Variants in FRZB observed in about 807,000 individuals in gnomAD.
FRZB encodes the protein secreted frizzled-related protein 3.
In FRZB, 34 loss-of-function variants were observed where a neutral mutation model predicts 32.5. The ratio of observed to expected loss-of-function variants is 1.05; its 90% CI spans 0.80 to 1.39. The LOEUF is 1.39. Ranked by LOEUF, FRZB falls within the 40% of genes most tolerant of loss-of-function variation. The probability of loss-of-function intolerance (pLI) is 0.00; values close to 1 mark genes in which losing one functional copy is unlikely to be tolerated. For synonymous variants in FRZB, 170 were observed against 159.2 expected (o/e 1.07, Z -0.51); for missense variants, 423 against 424.8 (o/e 1.00, Z 0.04).
intron 1 of FRZB, among the ~76,000 whole-genome samples, chr2:182,864,461 C>T (rs202028586): frequency 3.9e-5 from 6 of 152,256 alleles, no homozygotes; most frequent in East Asian, 3.9e-4. Context: ...TTAGTGAGTA[C>T]GAAGCCTCAA....
In FRZB at chr2:182,850,883, G is replaced by A. The variant is rs75391807; in HGVS notation, c.526+7903C>T. Reference sequence around the variant, plus strand: ...CCCCTTTTTCCACATCCTCGCTACCGTCTATTGTTCCATCTTTTTGATAAA... The same window carrying A: ...CCCCTTTTTCCACATCCTCGCTACCATCTATTGTTCCATCTTTTTGATAAA... On this transcript the variant is annotated intron_variant, in intron 2 of 5. Transcript: ENST00000295113. Among the ~76,000 whole-genome samples the A allele has an allele frequency of 9.0e-3, 1,363 of 152,118 alleles. 45 individuals carry two copies. In the South Asian group the frequency reaches 0.1, roughly 12 times the overall value.
intron 2 of FRZB, among the ~76,000 whole-genome samples, chr2:182,849,951 G>C (rs569450680): frequency 2.6e-5 from 4 of 152,288 alleles, no homozygotes; most frequent in Non-Finnish European, 4.4e-5. Context: ...AAAAAGAAAA[G>C]GGGGCTTCAC....
chr2:182,839,252 C>T (rs899283352), intron 3 of FRZB, among the ~76,000 whole-genome samples: 1 of 151,966 alleles, frequency 6.6e-6, no homozygotes, highest in Non-Finnish European at 1.5e-5. Context: ...CTTTTATATT[C>T]TCCTTTAGGT....
chr2:182,852,373 G>A (rs409238), intron 2 of FRZB, among the ~76,000 whole-genome samples: 99,991 of 151,978 alleles, frequency 0.66, 33,400 homozygotes, highest in African/African-American at 0.7. Context: ...AGCGCCAAGA[G>A]CAGGTTAGTG....
intron 1 of FRZB, among the ~76,000 whole-genome samples, chr2:182,860,663 T>C (rs1695821202): frequency 6.6e-6 from 1 of 152,084 alleles, no homozygotes; most frequent in African/African-American, 2.4e-5. Flanking sequence ...GGTCAGGAGT[T>C]CGAGACCAGC....
intron 2 of FRZB, among the ~76,000 whole-genome samples, chr2:182,851,451 T>A (rs1323220986): frequency 6.6e-6 from 1 of 151,870 alleles, no homozygotes; most frequent in African/African-American, 2.4e-5. Flanking sequence ...AGATCAGGAG[T>A]TAGAGACCAG....
At chr2:182,846,558 C>A (rs537075454) in intron 2 of FRZB, among the ~76,000 whole-genome samples, 1 of 152,144 alleles carries the variant, frequency 6.6e-6, no homozygotes, top group Admixed American at 6.5e-5. Context: ...CAAGACTGAC[C>A]TTTTCTAATC....
rs1209671214 is a variant in FRZB, at chr2:182,842,485, G to A, written c.585C>T (p.Tyr195=). 2 of 1,611,406 alleles carry A rather than the reference G, an allele frequency of 1.2e-6. No individual in the cohort carries two copies. The change falls in exon 3 of 6, where the codon TAC becomes TAT. Residue 195 remains tyrosine, a synonymous_variant. Transcript: ENST00000295113. ...CCATGAAATTTTCCTTACCATAGTT[G>A]TAATTGTTCCGGAAATAGGTCTTCT... is the stretch of plus-strand genomic sequence containing the variant. ...ATQKTYFRNN[Y]NYVIRAKVKE...
At chr2:182,864,920 T>G (rs1283077018) in intron 1 of FRZB, among the ~76,000 whole-genome samples, 2 of 152,154 alleles carry the variant, frequency 1.3e-5, no homozygotes, top group African/African-American at 2.4e-5. Flanking sequence ...GAAAAAAAAT[T>G]GCCTTCTTTA....
chr2:182,866,095 A>T lies in FRZB; in HGVS notation c.458T>A (p.Ile153Asn). Residue 153 changes from isoleucine to asparagine, a missense_variant, in exon 1 of 6, where the codon ATC (isoleucine) becomes AAC (asparagine). Ile to Asn is a moderately radical substitution (Grantham distance 149). Transcript: ENST00000295113. This position sits in a 1 kb window ranked among gnomAD's most constrained non-coding sequence, Gnocchi z 4.5. ...CTCACCAGCTCCGTCCGCAGTAACG[A>T]TGGCCTCGGGAGAGATGCACACGCC... Reference protein sequence around the residue: ...DRGVCISPEAIVTADGADFPM... With the variant: ...DRGVCISPEANVTADGADFPM... The T allele has an allele frequency of 6.2e-7, 1 of 1,611,438 alleles. No individual in the cohort carries two copies. Among genetic ancestry groups the T allele is most frequent in the South Asian group, 1.1e-5 (1 of 90,958 alleles).
chr2:182,841,076 A>T lies in FRZB; in HGVS notation c.592+1402T>A, dbSNP rs147065268. Among the ~76,000 whole-genome samples, 1,485 of 152,208 alleles carry T rather than the reference A, an allele frequency of 9.8e-3. 10 individuals carry two copies. Among genetic ancestry groups the T allele is most frequent in the Non-Finnish European group, 0.017 (1,149 of 67,980 alleles). On this transcript the variant is annotated intron_variant, in intron 3 of 5. Coordinates refer to ENST00000295113, the MANE Select transcript of FRZB (RefSeq NM_001463.4). ...CCTTTTCCCTAGGCTTCTTCACATCAATCTGTAAAGAAGCGGGTTCTTAGA... is the reference window on the plus strand; with the variant it reads ...CCTTTTCCCTAGGCTTCTTCACATCTATCTGTAAAGAAGCGGGTTCTTAGA...
chr2:182,849,193 C>G (rs908565644), intron 2 of FRZB, among the ~76,000 whole-genome samples: 1 of 151,720 alleles, frequency 6.6e-6, no homozygotes, highest in Non-Finnish European at 1.5e-5. Context: ...CGCCACTGCA[C>G]TCCAGCCTGG....
rs1391418203 is a variant in FRZB, at chr2:182,866,089, G to GTA, written c.462_463dup (p.Thr155IlefsTer53). 6.2e-7 allele frequency: 1 copy of GTA among 1,610,280 alleles called. No individual in the cohort carries two copies. Among genetic ancestry groups the GTA allele is most frequent in the Non-Finnish European group, 8.5e-7 (1 of 1,177,070 alleles). ...TCAAAACTCACCAGCTCCGTCCGCAGTAACGATGGCCTCGGGAGAGATGCA... is the reference window on the plus strand; with the variant it reads ...TCAAAACTCACCAGCTCCGTCCGCAGTATAACGATGGCCTCGGGAGAGATGCA... On this transcript the variant is annotated frameshift_variant, in exon 1 of 6. Coordinates refer to ENST00000295113, the MANE Select transcript of FRZB (RefSeq NM_001463.4). LOFTEE classifies it high-confidence loss of function. This position sits in a 1 kb window ranked among gnomAD's most constrained non-coding sequence, Gnocchi z 4.5.
rs1222118490 is a variant in FRZB, at chr2:182,839,607, A to G, written c.593-994T>C. Reference sequence around the variant, plus strand: ...GTATGTGACTCAGAATCTAGAAAGTACAGATCTGCTTCTTTTCTGTATCTC... The same window carrying G: ...GTATGTGACTCAGAATCTAGAAAGTGCAGATCTGCTTCTTTTCTGTATCTC... On this transcript the variant is annotated intron_variant, in intron 3 of 5. Transcript: ENST00000295113. 2.0e-5 allele frequency among the ~76,000 whole-genome samples: 3 copies of G among 152,072 alleles called. No homozygotes were observed. In the East Asian group the frequency reaches 5.8e-4, roughly 29 times the overall value.
At position 182,834,764 on chromosome 2, in the gene FRZB, A is replaced by G; in HGVS notation, c.*85T>C. On this transcript the variant is annotated 3_prime_UTR_variant, in exon 6 of 6. Coordinates refer to ENST00000295113, the MANE Select transcript of FRZB (RefSeq NM_001463.4). ...TAGTAAACAATAGAATATGATGTGC[A>G]ATAGTGCAATTTTCCTTTGCTAGTC... The G allele has an allele frequency of 2.3e-6, 2 of 870,750 alleles. No homozygotes were observed. Among genetic ancestry groups the G allele is most frequent in the South Asian group, 2.6e-5 (2 of 75,998 alleles). The allele number at this position is 870,750 out of a possible 1,614,324, so 53.9% of individuals were successfully genotyped here.
intron 1 of FRZB, among the ~76,000 whole-genome samples, chr2:182,862,559 G>A (rs1380735921): frequency 6.6e-6 from 1 of 152,122 alleles, no homozygotes; most frequent in East Asian, 1.9e-4. Flanking sequence ...CCAGTGTAAA[G>A]CTTTTTTGTT....
At chr2:182,839,725 A>G (rs1268657455) in intron 3 of FRZB, among the ~76,000 whole-genome samples, 1 of 152,046 alleles carries the variant, frequency 6.6e-6, no homozygotes, top group African/African-American at 2.4e-5. Flanking sequence ...AAGAAGTAAA[A>G]ATATCAGTAA....
At chr2:182,858,860 C>T in intron 1 of FRZB, 27 bp from the exon 2 acceptor site, 1 of 1,565,510 alleles carries the variant, frequency 6.4e-7, no homozygotes, top group Non-Finnish European at 8.8e-7. Flanking sequence ...GAAAAAAGAA[C>T]TATAACATAT....
chr2:182,839,355 T>C (rs1355771373), intron 3 of FRZB, among the ~76,000 whole-genome samples: 2 of 152,086 alleles, frequency 1.3e-5, no homozygotes, highest in Non-Finnish European at 2.9e-5. Flanking sequence ...AAGTGGGCTA[T>C]ATTTACTTCT....
Sources: allele counts gnomAD v4.1 joint callset (sites outside exome capture counted in the v4.1 genomes callset), GRCh38; gene constraint gnomAD v4.1.1; non-coding constraint Gnocchi (gnomAD v3.1); transcripts MANE v1.5; gene names NCBI Gene and HGNC (gene_info 2026-07-23, HGNC 2026-07-21).